Variants in PDE10A observed in about 807,000 individuals in gnomAD.
PDE10A encodes cAMP and cAMP-inhibited cGMP 3',5'-cyclic phosphodiesterase 10A.
Under a neutral mutation model 97.7 loss-of-function variants are expected in PDE10A, and 39 were observed. The observed-to-expected ratio is 0.40, with a 90% CI of 0.31 to 0.52. The LOEUF (loss-of-function observed/expected upper bound fraction) is 0.52, where lower values mean the gene tolerates loss of function less well. Among genes scored for constraint, PDE10A ranks in the 20% least tolerant of loss-of-function variants. The probability of loss-of-function intolerance (pLI) is 0.56; values close to 1 mark genes in which losing one functional copy is unlikely to be tolerated. For missense variants in PDE10A, 731 were observed against 1,047.8 expected, an observed-to-expected ratio of 0.70 and a Z score of 4.17; for synonymous variants, 371 against 376.8, an observed-to-expected ratio of 0.98 and a Z score of 0.18.
intron 2 of PDE10A, among the ~76,000 whole-genome samples, chr6:165,538,705 T>C (rs2128319805): frequency 6.6e-6 from 1 of 152,288 alleles, no homozygotes; most frequent in South Asian, 2.1e-4. Context: ...TGATTCTTCC[T>C]ACTTATAACT....
chr6:165,907,550 C>T (rs116461028), intron 1 of PDE10A, among the ~76,000 whole-genome samples: 1 of 152,266 alleles, frequency 6.6e-6, no homozygotes, highest in Non-Finnish European at 1.5e-5. Context: ...ACTGGCCGCC[C>T]TGAAGTTTGT....
chr6:165,588,351 C>T (rs1786048702), intron 1 of PDE10A, among the ~76,000 whole-genome samples: 1 of 128,720 alleles, frequency 7.8e-6, no homozygotes, highest in Admixed American at 9.9e-5. Flanking sequence ...AGTGCAATGG[C>T]ATGATCTCGG....
intron 2 of PDE10A, among the ~76,000 whole-genome samples, chr6:165,523,449 C>A (rs1782251841): frequency 6.6e-6 from 1 of 151,916 alleles, no homozygotes; most frequent in Admixed American, 6.6e-5. Context: ...GAATAGAGAA[C>A]CCTTAAATAA....
chr6:165,761,023 G>A (rs1793237409), intron 1 of PDE10A, among the ~76,000 whole-genome samples: 1 of 152,216 alleles, frequency 6.6e-6, no homozygotes, highest in South Asian at 2.1e-4. Context: ...ACGGGGCGGA[G>A]CCTTGCGAAG....
chr6:165,495,462 C>T (rs1371164329), intron 2 of PDE10A, among the ~76,000 whole-genome samples: 1 of 152,086 alleles, frequency 6.6e-6, no homozygotes, highest in African/African-American at 2.4e-5. Context: ...TTGAAACCTG[C>T]CTTACTTAGG....
At chr6:165,431,016 T>A (rs34182798) in intron 8 of PDE10A, among the ~76,000 whole-genome samples, 2 of 151,960 alleles carry the variant, frequency 1.3e-5, no homozygotes, top group Admixed American at 1.3e-4. Flanking sequence ...AAGAACCAGA[T>A]ATCTTAAAGT....
chr6:165,461,013 A>G (rs1282425215), intron 3 of PDE10A, among the ~76,000 whole-genome samples: 1 of 152,218 alleles, frequency 6.6e-6, no homozygotes, highest in East Asian at 1.9e-4. Flanking sequence ...TTTGGATAGA[A>G]CAATGGCCAC....
chr6:165,423,259 C>T (rs1788853253), intron 10 of PDE10A, among the ~76,000 whole-genome samples: 1 of 152,156 alleles, frequency 6.6e-6, no homozygotes, highest in South Asian at 2.1e-4. Flanking sequence ...CTTTTATTAT[C>T]TCACACTAAT....
At chr6:165,557,263 A>AT (rs1329991581) in intron 1 of PDE10A, among the ~76,000 whole-genome samples, 4 of 152,206 alleles carry the variant, frequency 2.6e-5, no homozygotes, top group African/African-American at 9.6e-5. Flanking sequence ...GTATAATTTA[A>AT]TCTGGTGGGA....
At chr6:165,556,083 T>C (rs1784238135) in intron 1 of PDE10A, among the ~76,000 whole-genome samples, 1 of 152,226 alleles carries the variant, frequency 6.6e-6, no homozygotes, top group South Asian at 2.1e-4. Flanking sequence ...GTAGAAACTA[T>C]AAGTGTTAAT....
At chr6:165,905,715 T>C (rs1782242945) in intron 1 of PDE10A, among the ~76,000 whole-genome samples, 1 of 152,036 alleles carries the variant, frequency 6.6e-6, no homozygotes, top group Non-Finnish European at 1.5e-5. Context: ...AGAGTGACTA[T>C]TAAACACTTG....
At chr6:165,614,165 A>T (rs756577156) in intron 1 of PDE10A, among the ~76,000 whole-genome samples, 1 of 152,184 alleles carries the variant, frequency 6.6e-6, no homozygotes, top group African/African-American at 2.4e-5. Context: ...CACTCTACTG[A>T]CTATTCCCTG....
At chr6:165,703,322 C>T (rs900360835) in intron 1 of PDE10A, among the ~76,000 whole-genome samples, 2 of 152,152 alleles carry the variant, frequency 1.3e-5, no homozygotes, top group East Asian at 3.9e-4. Context: ...TTCTGCCTGT[C>T]CCTTTCATAT....
chr6:165,839,810 C>A (rs1460077322), intron 1 of PDE10A, among the ~76,000 whole-genome samples: 2 of 49,536 alleles, frequency 4.0e-5, no homozygotes, highest in African/African-American at 1.6e-4. Context: ...CCTTCTCCAG[C>A]TCCATCCCCA....
chr6:165,343,725 A>G (rs542819689), intron 18 of PDE10A, among the ~76,000 whole-genome samples: 1 of 152,324 alleles, frequency 6.6e-6, no homozygotes, highest in South Asian at 2.1e-4. Flanking sequence ...GGAGTGCATC[A>G]TATGTTCCTG....
intron 1 of PDE10A, among the ~76,000 whole-genome samples, chr6:165,570,410 T>C (rs905779929): frequency 6.6e-6 from 1 of 152,216 alleles, no homozygotes; most frequent in African/African-American, 2.4e-5. Context: ...TGGACAGTCC[T>C]TGAGTAAGAA....
At chr6:165,870,816 T>C (rs1781186816) in intron 1 of PDE10A, among the ~76,000 whole-genome samples, 1 of 152,174 alleles carries the variant, frequency 6.6e-6, no homozygotes, top group Non-Finnish European at 1.5e-5. Context: ...ATAGATGGAA[T>C]GGGAGGTCAT....
intron 1 of PDE10A, among the ~76,000 whole-genome samples, chr6:165,554,540 A>C (rs1186691194): frequency 6.6e-6 from 1 of 152,190 alleles, no homozygotes. Flanking sequence ...TGTAGAGAAA[A>C]GGGAACCTTT....
At chr6:165,449,065 G>C in intron 4 of PDE10A, 88 bp from the exon 5 acceptor site, 1 of 889,298 alleles carries the variant, frequency 1.1e-6, no homozygotes, top group Non-Finnish European at 1.9e-6. Flanking sequence ...GCAGATGTGA[G>C]TCTTTCAAAT....
Sources: gnomAD v4.1 joint callset for allele counts (sites outside exome capture counted in the v4.1 genomes callset) on GRCh38, gnomAD v4.1.1 for gene constraint, MANE v1.5 for transcripts, NCBI Gene and HGNC (gene_info 2026-07-23, HGNC 2026-07-21) for gene names.